The following AUTS2 variants were observed in gnomAD, a reference collection of about 807,000 sequenced individuals.
The protein encoded by AUTS2 is autism susceptibility gene 2 protein.
In AUTS2, 17 loss-of-function variants were observed where a neutral mutation model predicts 112.4. That is an observed-to-expected ratio of 0.15 (90% confidence interval 0.10 to 0.23). The LOEUF (loss-of-function observed/expected upper bound fraction) is 0.23, where lower values mean the gene tolerates loss of function less well. Among genes scored for constraint, AUTS2 ranks in the 10% least tolerant of loss-of-function variants. The pLI is 1.00. For synonymous variants in AUTS2, 751 were observed against 702.7 expected, an observed-to-expected ratio of 1.07 and a Z score of -1.09; for missense variants, 1,510 against 1,701.6, an observed-to-expected ratio of 0.89 and a Z score of 1.98.
intron 1 of AUTS2, among the ~76,000 whole-genome samples, chr7:69,855,404 T>G (rs1360746203): frequency 6.6e-6 from 1 of 152,206 alleles, no homozygotes; most frequent in Non-Finnish European, 1.5e-5. Context: ...ACCTGACACC[T>G]GTAGAGGTAA....
chr7:70,501,675 T>C (rs2116636342), intron 5 of AUTS2, among the ~76,000 whole-genome samples: 1 of 152,066 alleles, frequency 6.6e-6, no homozygotes, highest in South Asian at 2.1e-4. Context: ...GCAGACATGC[T>C]CCAGTGTCAT....
At chr7:70,665,790 T>C (rs1184187872) in intron 5 of AUTS2, among the ~76,000 whole-genome samples, 15 of 152,188 alleles carry the variant, frequency 9.9e-5, no homozygotes, top group Admixed American at 9.2e-4. Context: ...TGAATTTTTG[T>C]ATGCATGTAT....
chr7:69,971,237 T>C (rs1375219654), intron 2 of AUTS2, among the ~76,000 whole-genome samples: 1 of 152,146 alleles, frequency 6.6e-6, no homozygotes, highest in Non-Finnish European at 1.5e-5. Flanking sequence ...TTCCCAGGAG[T>C]CTGGCCGACC....
In AUTS2 at chr7:70,697,586, T is replaced by C. The variant is rs1411063579; in HGVS notation, c.691-983T>C. ...CCCCCCCCCCATTTCCTATATTTCC[T>C]TTTTCCATATTTATTCAACATTCTA... On this transcript the variant is annotated intron_variant, in intron 5 of 18. Transcript: ENST00000342771. 3.2e-5 allele frequency among the ~76,000 whole-genome samples: 4 copies of C among 124,330 alleles called. No homozygotes were observed. The Admixed American group carries it at 3.7e-4, about 11-fold the overall frequency. The allele number at this position is 124,330 out of a possible 152,430, so 81.6% of individuals were successfully genotyped here.
chr7:70,747,497 C>T (rs575507380), intron 6 of AUTS2, among the ~76,000 whole-genome samples: 6 of 152,324 alleles, frequency 3.9e-5, no homozygotes, highest in African/African-American at 1.2e-4. Flanking sequence ...CTCACTCTGT[C>T]GCCCAGGCTA....
chr7:69,798,259 G>T (rs1442643010), intron 1 of AUTS2, among the ~76,000 whole-genome samples: 1 of 152,086 alleles, frequency 6.6e-6, no homozygotes, highest in African/African-American at 2.4e-5. Context: ...AGAACATGTG[G>T]ATCACCCCTT....
At chr7:70,413,293 G>A (rs943953813) in intron 4 of AUTS2, among the ~76,000 whole-genome samples, 3 of 152,158 alleles carry the variant, frequency 2.0e-5, no homozygotes, top group Non-Finnish European at 2.9e-5. Flanking sequence ...CTAGGCAGGT[G>A]GCACCTGTGT....
intron 5 of AUTS2, among the ~76,000 whole-genome samples, chr7:70,489,710 A>G (rs35123577): frequency 0.065 from 9,885 of 152,266 alleles, 345 homozygotes; most frequent in South Asian, 0.074. Context: ...ATCACTGGAG[A>G]CACAGCATTA....
intron 2 of AUTS2, among the ~76,000 whole-genome samples, chr7:69,941,280 C>T (rs144385666): frequency 4.6e-5 from 7 of 152,156 alleles, no homozygotes; most frequent in East Asian, 1.9e-4. Flanking sequence ...GTGGGAGGGA[C>T]GGATGAATGC....
At chr7:70,216,476 C>T (rs915668096) in intron 4 of AUTS2, among the ~76,000 whole-genome samples, 1 of 152,212 alleles carries the variant, frequency 6.6e-6, no homozygotes, top group Admixed American at 6.5e-5. Flanking sequence ...CACTTTAGTT[C>T]ACAATGGCCC....
chr7:70,426,123 G>A (rs1239692200), intron 4 of AUTS2, among the ~76,000 whole-genome samples: 2 of 152,160 alleles, frequency 1.3e-5, no homozygotes, highest in Non-Finnish European at 2.9e-5. Flanking sequence ...TGGCTCCATA[G>A]TTATATATGA....
At chr7:69,806,197 CTTTTTTTTTTTTT>C (rs56704400) in intron 1 of AUTS2, among the ~76,000 whole-genome samples, 28 of 55,028 alleles carry the variant, frequency 5.1e-4, no homozygotes, top group East Asian at 1.1e-3. Flanking sequence ...CCAGCCAAGG[CTTTTTTTTTTTTT>C]TTTTTTTTTT....
chr7:70,035,670 C>T (rs753797807), intron 2 of AUTS2, among the ~76,000 whole-genome samples: 3 of 152,144 alleles, frequency 2.0e-5, no homozygotes, highest in Non-Finnish European at 4.4e-5. Flanking sequence ...GCGTGTTCCT[C>T]TCATGAAATA....
In AUTS2 at chr7:70,475,542, T is replaced by C. The variant is rs972739159; in HGVS notation, c.690+39761T>C. 7.9e-5 allele frequency among the ~76,000 whole-genome samples: 12 copies of C among 152,340 alleles called. No homozygotes were observed. The East Asian group carries it at 2.1e-3, about 27-fold the overall frequency. Reference sequence around the variant, plus strand: ...TTCCCCCACAGCATTCGATCACTTATAAACTGTGTTAATTTTCCCCACAGT... The same window carrying C: ...TTCCCCCACAGCATTCGATCACTTACAAACTGTGTTAATTTTCCCCACAGT... On this transcript the variant is annotated intron_variant, in intron 5 of 18. Transcript: ENST00000342771.
intron 5 of AUTS2, among the ~76,000 whole-genome samples, chr7:70,593,700 A>C (rs1803058815): frequency 6.6e-6 from 1 of 152,236 alleles, no homozygotes; most frequent in South Asian, 2.1e-4. Flanking sequence ...CCCCACAACA[A>C]TCAGGAAAGC....
chr7:70,140,197 G>A (rs1806785252), intron 4 of AUTS2, among the ~76,000 whole-genome samples: 1 of 152,092 alleles, frequency 6.6e-6, no homozygotes, highest in Non-Finnish European at 1.5e-5. Context: ...ATTTTGGCAA[G>A]GATGCCTCAT....
At chr7:70,546,588 C>T (rs976355143) in intron 5 of AUTS2, among the ~76,000 whole-genome samples, 1 of 152,014 alleles carries the variant, frequency 6.6e-6, no homozygotes, top group Non-Finnish European at 1.5e-5. Flanking sequence ...ACCATCCTGG[C>T]TAACACAGTG....
chr7:70,688,745 G>A (rs1174791472), intron 5 of AUTS2, among the ~76,000 whole-genome samples: 1 of 152,144 alleles, frequency 6.6e-6, no homozygotes, highest in Non-Finnish European at 1.5e-5. Context: ...GACCCCGTGA[G>A]CCTAGTAGTT....
intron 1 of AUTS2, among the ~76,000 whole-genome samples, chr7:69,810,264 T>C (rs1381658373): frequency 2.0e-5 from 3 of 152,206 alleles, no homozygotes; most frequent in African/African-American, 7.2e-5. Flanking sequence ...TTAATAATTG[T>C]AGAGTCTTGG....
Sources: allele counts gnomAD v4.1 joint callset (sites outside exome capture counted in the v4.1 genomes callset), GRCh38; gene constraint gnomAD v4.1.1; transcripts MANE v1.5; gene names NCBI Gene and HGNC (gene_info 2026-07-23, HGNC 2026-07-21).